PTPRT: variants seen among roughly 807,000 people sequenced by gnomAD.
PTPRT encodes receptor-type tyrosine-protein phosphatase T.
In PTPRT, 56 loss-of-function variants were observed where a neutral mutation model predicts 176.8. The observed-to-expected ratio is 0.32, with a 90% CI of 0.26 to 0.40. PTPRT has a LOEUF of 0.40. Ranked by LOEUF, PTPRT falls within the 10% of genes least tolerant of loss-of-function variation. PTPRT has a pLI of 1.00. For synonymous variants in PTPRT, 783 were observed against 739.0 expected (o/e 1.06, Z -0.96); for missense variants, 1,540 against 1,908.2 (o/e 0.81, Z 3.60).
chr20:42,569,317 C>T (rs2073112828), intron 7 of PTPRT, among the ~76,000 whole-genome samples: 1 of 151,670 alleles, frequency 6.6e-6, no homozygotes, highest in Admixed American at 6.6e-5. Flanking sequence ...CAATAGACTG[C>T]AAGCCATTTG....
chr20:42,105,733 G>T (rs1293224451), intron 24 of PTPRT, among the ~76,000 whole-genome samples: 1 of 152,248 alleles, frequency 6.6e-6, no homozygotes, highest in Admixed American at 6.5e-5. Context: ...CTAGAAGCCT[G>T]AAGACTGGCC....
intron 13 of PTPRT, among the ~76,000 whole-genome samples, chr20:42,276,564 T>G (rs2057043209): frequency 9.4e-6 from 1 of 106,234 alleles, no homozygotes; most frequent in Non-Finnish European, 1.9e-5. Flanking sequence ...TATATAATGT[T>G]CTTGAATACT....
intron 6 of PTPRT, among the ~76,000 whole-genome samples, chr20:42,686,491 T>C: frequency 1.5e-5 from 1 of 66,602 alleles, no homozygotes; most frequent in South Asian, 5.0e-4. Context: ...TTTTTTTTTT[T>C]TTTTTTTTTT....
the PTPRT span, among the ~76,000 whole-genome samples, chr20:42,043,911 A>C: frequency 6.6e-6 from 1 of 152,220 alleles, no homozygotes; most frequent in Non-Finnish European, 1.5e-5. Flanking sequence ...TGAGAGACGT[A>C]AAAGGCCCAA....
intron 2 of PTPRT, among the ~76,000 whole-genome samples, chr20:42,811,337 G>A (rs1424393462): frequency 6.6e-6 from 1 of 152,048 alleles, no homozygotes; most frequent in African/African-American, 2.4e-5. Context: ...CGGAAGAATA[G>A]GTGGAAATAA....
intron 2 of PTPRT, among the ~76,000 whole-genome samples, chr20:42,883,743 C>CCCAT (rs1482435425): frequency 0.034 from 121 of 3,534 alleles, no homozygotes; most frequent in African/African-American, 0.083. Context: ...CATACACTCT[C>CCCAT]ACACATACCC....
chr20:43,123,289 A>T (rs1212160076), intron 1 of PTPRT, among the ~76,000 whole-genome samples: 2 of 152,236 alleles, frequency 1.3e-5, no homozygotes, highest in East Asian at 3.8e-4. Flanking sequence ...ACTGCATTTG[A>T]GCAAACATGC....
chr20:43,010,176 C>T (rs894382807), intron 1 of PTPRT, among the ~76,000 whole-genome samples: 1 of 152,164 alleles, frequency 6.6e-6, no homozygotes, highest in African/African-American at 2.4e-5. Context: ...TCTTCCCACA[C>T]TGACCCACCT....
At chr20:42,910,979 C>G (rs1304397225) in intron 1 of PTPRT, among the ~76,000 whole-genome samples, 3 of 152,022 alleles carry the variant, frequency 2.0e-5, no homozygotes, top group Non-Finnish European at 2.9e-5. Context: ...AGGGGAAGAG[C>G]CCCTTATAAA....
At chr20:42,170,132 G>C (rs754527107) in intron 16 of PTPRT, among the ~76,000 whole-genome samples, 3 of 152,158 alleles carry the variant, frequency 2.0e-5, no homozygotes, top group Non-Finnish European at 2.9e-5. Flanking sequence ...CATCCATGAG[G>C]GGAGCTGGGC....
chr20:42,225,903 C>G (rs773853525), intron 15 of PTPRT, among the ~76,000 whole-genome samples: 3 of 152,186 alleles, frequency 2.0e-5, no homozygotes, highest in Non-Finnish European at 4.4e-5. Context: ...TCAGCCTGCC[C>G]TGGCCTGCCA....
chr20:42,736,829 G>A (rs892734290), intron 6 of PTPRT, among the ~76,000 whole-genome samples: 2 of 151,954 alleles, frequency 1.3e-5, no homozygotes, highest in African/African-American at 4.8e-5. Flanking sequence ...TGGAAGGAGG[G>A]AAGGAAAGGA....
chr20:42,638,015 C>T (rs1569042783), intron 7 of PTPRT, among the ~76,000 whole-genome samples: 1 of 152,122 alleles, frequency 6.6e-6, no homozygotes, highest in Admixed American at 6.6e-5. Flanking sequence ...CACATCTCTT[C>T]CCAACCCAAT....
intron 12 of PTPRT, among the ~76,000 whole-genome samples, chr20:42,301,272 A>G (rs530602958): frequency 2.6e-5 from 4 of 152,326 alleles, no homozygotes. Context: ...CTTTTGTGGT[A>G]TTCCTGACAA....
At chr20:42,893,537 T>C (rs1256698845) in intron 1 of PTPRT, among the ~76,000 whole-genome samples, 2 of 151,762 alleles carry the variant, frequency 1.3e-5, no homozygotes, top group Non-Finnish European at 2.9e-5. Context: ...CTATAAATCA[T>C]GCTGCTATAA....
At chr20:42,211,126 A>G (rs374802250) in intron 15 of PTPRT, among the ~76,000 whole-genome samples, 1 of 152,152 alleles carries the variant, frequency 6.6e-6, no homozygotes, top group Non-Finnish European at 1.5e-5. Context: ...CCTTCCTTAC[A>G]CCTTATACAA....
intron 6 of PTPRT, among the ~76,000 whole-genome samples, chr20:42,706,160 T>TCG (rs1491102193): frequency 1.8e-5 from 1 of 56,716 alleles, no homozygotes; most frequent in African/African-American, 1.6e-4. Context: ...TCTCTCTTTA[T>TCG]CTCTCTCTCT....
intron 7 of PTPRT, among the ~76,000 whole-genome samples, chr20:42,561,118 C>T (rs1389709734): frequency 6.6e-6 from 1 of 152,212 alleles, no homozygotes; most frequent in African/African-American, 2.4e-5. Context: ...GCCTTTGCTA[C>T]ATTTAAGGAC....
intron 1 of PTPRT, among the ~76,000 whole-genome samples, chr20:43,183,785 T>C (rs996742166): frequency 5.3e-5 from 8 of 152,380 alleles, no homozygotes; most frequent in African/African-American, 1.9e-4. Context: ...TCATAAAATA[T>C]ACAGTCTCTT....
Sources: gnomAD v4.1 joint callset for allele counts (sites outside exome capture counted in the v4.1 genomes callset) on GRCh38, gnomAD v4.1.1 for gene constraint, MANE v1.5 for transcripts, NCBI Gene and HGNC (gene_info 2026-07-23, HGNC 2026-07-21) for gene names.